Variants in RBM19 observed in about 807,000 individuals in gnomAD.
RBM19 encodes the protein probable RNA-binding protein 19.
Under a neutral mutation model 116.8 loss-of-function variants are expected in RBM19, and 94 were observed. That is an observed-to-expected ratio of 0.80 (90% CI 0.68 to 0.95). The LOEUF is 0.95. Ranked by LOEUF, RBM19 falls within the 40% of genes least tolerant of loss-of-function variation. The pLI, the probability that RBM19 is intolerant of heterozygous loss-of-function variation, is 0.00. For missense variants in RBM19, 1,161 were observed against 1,220.7 expected (o/e 0.95, Z 0.73); for synonymous variants, 475 against 494.1 (o/e 0.96, Z 0.51).
At chr12:113,883,396 GGCTGA>G (rs1206587527) in intron 21 of RBM19, among the ~76,000 whole-genome samples, 1 of 152,218 alleles carries the variant, frequency 6.6e-6, no homozygotes, top group African/African-American at 2.4e-5. Flanking sequence ...GGAATTAACT[GGCTGA>G]GCTATCAGTC....
intron 21 of RBM19, among the ~76,000 whole-genome samples, chr12:113,889,670 CAACAAAAAAAA>C (rs1284096024): frequency 4.7e-5 from 3 of 64,178 alleles, no homozygotes; most frequent in African/African-American, 2.9e-4. Flanking sequence ...AACAAACAAA[CAACAAAAAAAA>C]AAACAAAAAG....
In RBM19 at chr12:113,898,126, A is replaced by G. The variant is rs1881461430; in HGVS notation, c.2558+16843T>C. ...ACTAAAGTAAGAGTCCATTTAATGG[A>G]ACAGTTTCTCTAATTAGGGTCTGCT... On this transcript the variant is annotated intron_variant, in intron 21 of 23. Coordinates refer to ENST00000261741, the MANE Select transcript of RBM19 (RefSeq NM_016196.4). This position sits in a 1 kb window ranked among gnomAD's most constrained non-coding sequence, Gnocchi z 4.3. Among the ~76,000 whole-genome samples, 1 of 152,140 alleles carries G rather than the reference A, an allele frequency of 6.6e-6. No individual in the cohort carries two copies. Among genetic ancestry groups the G allele is most frequent in the Non-Finnish European group, 1.5e-5 (1 of 68,032 alleles).
At chr12:113,872,385 G>T in intron 21 of RBM19, among the ~76,000 whole-genome samples, 1 of 150,080 alleles carries the variant, frequency 6.7e-6, no homozygotes, top group East Asian at 2.1e-4. Context: ...CCCCGTCCGG[G>T]AGGGAGGTGG....
At chr12:113,893,084 T>A (rs1593543354) in intron 21 of RBM19, among the ~76,000 whole-genome samples, 1 of 150,696 alleles carries the variant, frequency 6.6e-6, no homozygotes, top group Non-Finnish European at 1.5e-5. Context: ...CAGGCTGGAG[T>A]GCAGTGGTGC....
rs1378057064 is a variant in RBM19 at position 113,825,623 on chromosome 12, G to A, written c.2786-2302C>T. Among the ~76,000 whole-genome samples, 1 of 152,178 alleles carries A rather than the reference G, an allele frequency of 6.6e-6. No individual in the cohort carries two copies. The highest frequency in any genetic ancestry group is 2.4e-5 in the African/African-American group (1 of 41,448). On this transcript the variant is annotated intron_variant, in intron 23 of 23. Transcript: ENST00000261741. This position sits in a 1 kb window ranked among gnomAD's most constrained non-coding sequence, Gnocchi z 5.7. ...TGCCTTCCTGGGCCAGGCCTGGCCTGGGGTCTAAGGGATGGCCAGCGGTGG... is the reference window on the plus strand; with the variant it reads ...TGCCTTCCTGGGCCAGGCCTGGCCTAGGGTCTAAGGGATGGCCAGCGGTGG...
chr12:113,830,410 G>A (rs1875276938), intron 23 of RBM19, among the ~76,000 whole-genome samples: 1 of 152,090 alleles, frequency 6.6e-6, no homozygotes, highest in African/African-American at 2.4e-5. Flanking sequence ...CTCCCTGAGT[G>A]GCTGGAGAGT....
downstream of RBM19, among the ~76,000 whole-genome samples, chr12:113,819,824 G>A (rs2135669416): frequency 6.6e-6 from 1 of 152,312 alleles, no homozygotes; most frequent in East Asian, 1.9e-4. Flanking sequence ...CTCTGGGCCA[G>A]GCAAATGACT....
At chr12:113,841,422 CTTTTTTTTTTTT>C (rs71089416) in intron 23 of RBM19, among the ~76,000 whole-genome samples, 3 of 130,022 alleles carry the variant, frequency 2.3e-5, no homozygotes, top group Admixed American at 8.1e-5. Context: ...TTTTTCTTTT[CTTTTTTTTTTTT>C]TTTTTTTGAG....
At chr12:113,840,530 C>A (rs567495138) in intron 23 of RBM19, among the ~76,000 whole-genome samples, 1 of 152,388 alleles carries the variant, frequency 6.6e-6, no homozygotes, top group East Asian at 1.9e-4. Flanking sequence ...CCACATCCAT[C>A]CTCTGTCCTG....
At chr12:113,820,208 A>T (rs1480906881), downstream of RBM19, among the ~76,000 whole-genome samples, 1 of 151,114 alleles carries the variant, frequency 6.6e-6, no homozygotes, top group Non-Finnish European at 1.5e-5. Flanking sequence ...CTTGGACCAC[A>T]CATAAAATAC....
chr12:113,959,094 G>A (rs567242054), intron 5 of RBM19, 118 bp downstream of exon 5: 2 of 1,072,698 alleles, frequency 1.9e-6, no homozygotes, highest in African/African-American at 1.6e-5. Flanking sequence ...CACCCCCAAT[G>A]GAGAGCTCAA....
chr12:113,824,197 TGTA>T (rs1874662466), intron 23 of RBM19, among the ~76,000 whole-genome samples: 1 of 152,206 alleles, frequency 6.6e-6, no homozygotes, highest in Non-Finnish European at 1.5e-5. Context: ...TGCTGCCTCT[TGTA>T]GGAGACGGAA....
At chr12:113,852,785 C>CCAT (rs1877558907) in intron 22 of RBM19, among the ~76,000 whole-genome samples, 1 of 152,218 alleles carries the variant, frequency 6.6e-6, no homozygotes, top group Non-Finnish European at 1.5e-5. Context: ...AGTCCCTTGT[C>CCAT]CATGTTCGCA....
intron 21 of RBM19, among the ~76,000 whole-genome samples, chr12:113,880,048 G>A (rs1045194714): frequency 2.6e-5 from 4 of 151,228 alleles, no homozygotes; most frequent in African/African-American, 9.7e-5. Flanking sequence ...CCCAAAGCCC[G>A]TCACTCTGGT....
At chr12:113,887,185 G>GCAGA (rs1002279575) in intron 21 of RBM19, among the ~76,000 whole-genome samples, 11 of 152,164 alleles carry the variant, frequency 7.2e-5, no homozygotes, top group African/African-American at 2.7e-4. Context: ...TGAGCTGTAG[G>GCAGA]CAGAGTTGGG....
intron 21 of RBM19, among the ~76,000 whole-genome samples, chr12:113,904,829 T>TGGCA: frequency 6.6e-6 from 1 of 152,142 alleles, no homozygotes; most frequent in Admixed American, 6.5e-5. Flanking sequence ...TCCACCAAGA[T>TGGCA]GGCAGCTCTC....
chr12:113,876,744 T>C (rs190599439), intron 21 of RBM19, among the ~76,000 whole-genome samples: 1 of 152,052 alleles, frequency 6.6e-6, no homozygotes, highest in Non-Finnish European at 1.5e-5. Flanking sequence ...TGAGCTGAGA[T>C]CGTGCCACTG....
At chr12:113,853,866 A>ACTTGTTCC (rs1015532765) in intron 22 of RBM19, among the ~76,000 whole-genome samples, 21 of 151,994 alleles carry the variant, frequency 1.4e-4, no homozygotes, top group Middle Eastern at 3.2e-3. Context: ...TTCATTCTGG[A>ACTTGTTCC]CTTGTTCCCA....
In RBM19 at chr12:113,946,441, T is replaced by C. The variant is rs1361787741; in HGVS notation, c.1442A>G (p.Lys481Arg). The stretch of plus-strand genomic sequence containing the variant: ...ACTGGCATCCTCGCTGGCTTCCTTC[T>C]TGATGGTAGATGGTAACACGTGGAG... The part of the protein sequence containing the change: ...RMLHVLPSTI[K>R]KEASEDASAL... Residue 481 changes from lysine to arginine, a missense_variant, in exon 12 of 24, where the codon AAG (lysine) becomes AGG (arginine). Lys to Arg is a conservative substitution (Grantham distance 26). Coordinates refer to ENST00000261741, the MANE Select transcript of RBM19 (RefSeq NM_016196.4). 8 of 1,614,090 alleles carry C rather than the reference T, an allele frequency of 5.0e-6. No homozygotes were observed. Among genetic ancestry groups the C allele is most frequent in the South Asian group, 2.2e-5 (2 of 91,072 alleles).
Sources: allele counts gnomAD v4.1 joint callset (sites outside exome capture counted in the v4.1 genomes callset), GRCh38; gene constraint gnomAD v4.1.1; non-coding constraint Gnocchi (gnomAD v3.1); transcripts MANE v1.5; gene names NCBI Gene and HGNC (gene_info 2026-07-23, HGNC 2026-07-21).